The following CYTH1 variants were observed in gnomAD, a reference collection of about 807,000 sequenced individuals.
The protein encoded by CYTH1 is cytohesin-1.
A neutral mutation model predicts 61.8 loss-of-function variants in CYTH1; 18 were observed. The observed-to-expected ratio is 0.29, with a 90% CI of 0.20 to 0.43. The LOEUF (loss-of-function observed/expected upper bound fraction) is 0.43. Ranked by LOEUF, CYTH1 falls within the 20% of genes least tolerant of loss-of-function variation. The pLI is 1.00. For synonymous variants in CYTH1, 174 were observed against 184.3 expected (o/e 0.94, Z 0.45); for missense variants, 336 against 510.5 (o/e 0.66, Z 3.29).
At chr17:78,690,297 G>C (rs2092866547) in intron 11 of CYTH1, among the ~76,000 whole-genome samples, 1 of 147,918 alleles carries the variant, frequency 6.8e-6, no homozygotes, top group Non-Finnish European at 1.5e-5. Context: ...CGGAGGCCGA[G>C]GCAGGAGAAT....
intron 1 of CYTH1, among the ~76,000 whole-genome samples, chr17:78,724,697 C>T (rs2093255941): frequency 1.3e-5 from 2 of 152,194 alleles, no homozygotes; most frequent in East Asian, 1.9e-4. Flanking sequence ...AAAACACTCC[C>T]ATACCCTCCC....
chr17:78,741,838 C>A (rs1462176815), intron 1 of CYTH1, among the ~76,000 whole-genome samples: 3 of 152,160 alleles, frequency 2.0e-5, no homozygotes, highest in Non-Finnish European at 2.9e-5. Flanking sequence ...CAGGATGGAG[C>A]CGGACAGGAA....
chr17:78,681,353 C>G (rs1003480886), intron 11 of CYTH1, among the ~76,000 whole-genome samples: 1 of 152,140 alleles, frequency 6.6e-6, no homozygotes, highest in East Asian at 1.9e-4. Flanking sequence ...TCCCTCTTCC[C>G]TTTGCCTGGC....
chr17:78,741,765 T>C (rs9903760), intron 1 of CYTH1, among the ~76,000 whole-genome samples: 81,101 of 152,010 alleles, frequency 0.53, 21,756 homozygotes, highest in East Asian at 0.61. Flanking sequence ...CTCTCACCCT[T>C]GCGTCTCCTG....
At chr17:78,708,443 A>G (rs1230990807) in intron 2 of CYTH1, among the ~76,000 whole-genome samples, 182 bp from the exon 3 acceptor site, 1 of 152,242 alleles carries the variant, frequency 6.6e-6, no homozygotes, top group Non-Finnish European at 1.5e-5. Context: ...TTGAGTGCCT[A>G]CCAAACAGTA....
chr17:78,770,903 A>G (rs1490062687), intron 1 of CYTH1, among the ~76,000 whole-genome samples: 2 of 152,124 alleles, frequency 1.3e-5, no homozygotes, highest in African/African-American at 4.8e-5. Context: ...CAAGGCAGGC[A>G]TATTCCTTGA....
At chr17:78,711,307 AT>A (rs1399006352) in intron 1 of CYTH1, among the ~76,000 whole-genome samples, 1,256 of 115,756 alleles carry the variant, frequency 0.011, 12 homozygotes, top group African/African-American at 0.031. Flanking sequence ...TAAATAATAT[AT>A]ATATATACAC....
Position 78,680,958 on chromosome 17 carries a change from CA to C in CYTH1, c.963+12del. The C allele has an allele frequency of 6.2e-7, 1 of 1,613,798 alleles. No individual in the cohort carries two copies. Among genetic ancestry groups the C allele is most frequent in the South Asian group, 1.1e-5 (1 of 91,000 alleles). ...CCTTTCTCCCCTCAAAATATCTCAG[CA>C]AAAATACTCACTGGTTTTTTGGAGT... On this transcript the variant is annotated intron_variant, in intron 12 of 13. Transcript: ENST00000446868.
chr17:78,736,743 G>A lies in CYTH1; in HGVS notation c.23-27011C>T, dbSNP rs369978896. The A allele has an allele frequency of 8.2e-5, 34 of 412,204 alleles. 5 individuals are homozygous for A. The highest frequency in any genetic ancestry group is 6.3e-5 in the African/African-American group (3 of 47,978). 25.5% of individuals were successfully genotyped at this position (412,204 alleles called of 1,614,324 possible). ...ATCTTGTTTCCTTACAGCGGGACAC[G>A]AAAAGTCCGTTCTGTGCTTCCAGGA... On this transcript the variant is annotated intron_variant, in intron 1 of 13. Transcript: ENST00000446868.
chr17:78,714,279 G>A (rs1361197015), intron 1 of CYTH1, among the ~76,000 whole-genome samples: 4 of 151,910 alleles, frequency 2.6e-5, no homozygotes, highest in African/African-American at 7.3e-5. Context: ...AACAGAGCAG[G>A]CCTCCATCTC....
At chr17:78,706,769 A>C (rs2144368885) in intron 3 of CYTH1, among the ~76,000 whole-genome samples, 1 of 152,304 alleles carries the variant, frequency 6.6e-6, no homozygotes, top group Admixed American at 6.5e-5. Context: ...AGGGGATGTG[A>C]AGTACCGTTT....
intron 10 of CYTH1, 94 bp from the exon 11 acceptor site, chr17:78,692,587 T>G: frequency 8.1e-7 from 1 of 1,232,628 alleles, no homozygotes; most frequent in Non-Finnish European, 1.2e-6. Context: ...TCAGAGAGGG[T>G]TGGGGGAGAG....
intron 11 of CYTH1, among the ~76,000 whole-genome samples, chr17:78,685,533 T>C (rs973374762): frequency 7.2e-5 from 11 of 152,374 alleles, no homozygotes; most frequent in African/African-American, 2.6e-4. Context: ...TACTTAAGTA[T>C]ATTTTGGTAT....
intron 1 of CYTH1, among the ~76,000 whole-genome samples, chr17:78,737,703 C>T (rs2093326167): frequency 6.6e-6 from 1 of 151,768 alleles, no homozygotes; most frequent in African/African-American, 2.4e-5. Flanking sequence ...CTTGCCTGCA[C>T]AGTCCTATCA....
intron 1 of CYTH1, 54 bp downstream of exon 1, chr17:78,782,147 CG>C: frequency 7.8e-7 from 1 of 1,278,436 alleles, no homozygotes; most frequent in South Asian, 2.2e-5. Context: ...CGGCCGGGCC[CG>C]GAGGGGACTG....
At chr17:78,723,029 A>C (rs907245460) in intron 1 of CYTH1, among the ~76,000 whole-genome samples, 1 of 152,224 alleles carries the variant, frequency 6.6e-6, no homozygotes, top group Non-Finnish European at 1.5e-5. Flanking sequence ...CCTATCCAAA[A>C]GTGTAGTGGA....
chr17:78,691,438 G>A (rs1207169535), intron 11 of CYTH1: 1 of 152,220 alleles, frequency 6.6e-6, no homozygotes, highest in East Asian at 1.9e-4. Flanking sequence ...TAAGTGACTG[G>A]TGAATATGGT....
chr17:78,761,535 C>G (rs1009217323), intron 1 of CYTH1, among the ~76,000 whole-genome samples: 1 of 152,082 alleles, frequency 6.6e-6, no homozygotes, highest in Non-Finnish European at 1.5e-5. Context: ...TCAGGAGATC[C>G]AGACCAGCCT....
intron 1 of CYTH1, among the ~76,000 whole-genome samples, chr17:78,751,701 T>C (rs2093381034): frequency 6.6e-6 from 1 of 152,238 alleles, no homozygotes; most frequent in Non-Finnish European, 1.5e-5. Flanking sequence ...GGAAAATTCA[T>C]GAATACAAAA....
Sources: gnomAD v4.1 joint callset for allele counts (sites outside exome capture counted in the v4.1 genomes callset) on GRCh38, gnomAD v4.1.1 for gene constraint, MANE v1.5 for transcripts, NCBI Gene and HGNC (gene_info 2026-07-23, HGNC 2026-07-21) for gene names.